XIST: variants seen among roughly 807,000 people sequenced by gnomAD.
The protein encoded by XIST is X inactive specific transcript (non-protein coding).
chrX:73,843,577 A>G (rs774860590), exon 1 of XIST: 1 of 559,088 alleles, frequency 1.8e-6, no homozygotes, highest in East Asian at 3.2e-5. Context: ...CTCTTAGTCT[A>G]AAAGAAGAGG....
At chrX:73,846,120 G>A in exon 1 of XIST, 1 of 555,721 alleles carries the variant, frequency 1.8e-6, no homozygotes, top group Non-Finnish European at 3.2e-6. Context: ...GAGTGTGGCA[G>A]GGGAGGCTTC....
chrX:73,846,084 C>A, exon 1 of XIST: 1 of 548,791 alleles, frequency 1.8e-6, no homozygotes, highest in Non-Finnish European at 3.3e-6. Context: ...CACTCCCTGC[C>A]GGAAGGGAAA....
At chrX:73,848,167 A>G in exon 1 of XIST, 1 of 558,351 alleles carries the variant, frequency 1.8e-6, no homozygotes, top group African/African-American at 2.2e-5. Context: ...TCTTAATTTA[A>G]TGGAAAAGAC....
At chrX:73,844,394 C>T (rs1453220288) in exon 1 of XIST, 1 of 556,048 alleles carries the variant, frequency 1.8e-6, no homozygotes, top group African/African-American at 2.2e-5. Flanking sequence ...GAGAAGGTGC[C>T]CTTATCTAGT....
exon 6 of XIST, chrX:73,825,668 G>A (rs1427235171): frequency 1.4e-5 from 7 of 513,124 alleles, no homozygotes; most frequent in Non-Finnish European, 2.4e-5. Context: ...ATATGTAACA[G>A]AAACCATATG....
At chrX:73,848,678 C>T (rs752037865) in exon 1 of XIST, 10 of 556,767 alleles carry the variant, frequency 1.8e-5, no homozygotes, top group South Asian at 9.0e-5. Context: ...CAACATCCCA[C>T]AGAAGGTGGG....
rs1243898583 is a variant in XIST at position 73,829,385 on chromosome X, T to C, written n.11753-154A>G. ...AACTTTTAGGTCTTTAGAGAGAAAA[T>C]TTCCTCATTCAACAGAATAGGAAAC... On this transcript the variant is annotated intron_variant and non_coding_transcript_variant, in intron 4 of 5. Coordinates refer to ENST00000429829, the Ensembl canonical transcript of XIST. 7.3e-6 allele frequency: 3 copies of C among 412,262 alleles called. No homozygotes were observed. The East Asian group carries it at 1.2e-4, about 16-fold the overall frequency. The allele number at this position is 412,262 out of a possible 1,213,427, so 34.0% of individuals were successfully genotyped here.
exon 6 of XIST, chrX:73,821,237 C>T (rs1922108544): frequency 1.8e-6 from 1 of 557,313 alleles, no homozygotes; most frequent in Admixed American, 2.2e-5. Context: ...CAACCTTGCT[C>T]CCTCCACCAA....
chrX:73,846,064 A>G, exon 1 of XIST: 1 of 558,405 alleles, frequency 1.8e-6, no homozygotes, highest in East Asian at 3.2e-5. Context: ...TAAGCGTCTT[A>G]TGGAGAGGGC....
chrX:73,843,939 T>C (rs961827023), exon 1 of XIST: 1 of 558,015 alleles, frequency 1.8e-6, no homozygotes, highest in Admixed American at 2.2e-5. Context: ...CAATTATATG[T>C]TGATAGTCCA....
chrX:73,842,808 G>C, exon 1 of XIST: 1 of 558,671 alleles, frequency 1.8e-6, no homozygotes, highest in Non-Finnish European at 3.2e-6. Flanking sequence ...AAAAGGGGCA[G>C]GGCAGAGGGA....
exon 6 of XIST, chrX:73,827,221 T>A (rs762230356): frequency 1.8e-6 from 1 of 556,557 alleles, no homozygotes; most frequent in South Asian, 2.2e-5. Context: ...CGCTCCACAA[T>A]GCTTGCTCTG....
chrX:73,821,685 T>C (rs1468036951), exon 6 of XIST: 1 of 547,639 alleles, frequency 1.8e-6, no homozygotes, highest in African/African-American at 2.2e-5. Flanking sequence ...CTTCCTCCTG[T>C]CCCACCCTCT....
chrX:73,844,061 C>A, exon 1 of XIST: 2 of 558,437 alleles, frequency 3.6e-6, no homozygotes, highest in South Asian at 2.2e-5. Context: ...ATTAACTGTT[C>A]AAATGTAAAG....
At position 73,827,471 on chromosome X, in the gene XIST, C is replaced by T. The variant is rs1331209400; in HGVS notation, n.12430G>A. The stretch of plus-strand genomic sequence containing the variant: ...TAATACTGAAATAGAAAATCACAAA[C>T]AGCAAGAGATGCTGAGGCACGCAGG... On this transcript the variant is annotated non_coding_transcript_exon_variant, in exon 6 of 6. Coordinates refer to ENST00000429829, the Ensembl canonical transcript of XIST. 5.6e-6 allele frequency: 3 copies of T among 538,499 alleles called. No individual in the cohort carries two copies. In the Admixed American group the frequency reaches 7.3e-5, roughly 13 times the overall value. 44.4% of individuals were successfully genotyped at this position (538,499 alleles called of 1,213,427 possible). A position where few individuals can be genotyped will look rare whatever the true frequency, so the allele number is the denominator to read the frequency against.
At chrX:73,848,300 T>G in exon 1 of XIST, 1 of 555,230 alleles carries the variant, frequency 1.8e-6, no homozygotes. Context: ...ACATCAATAA[T>G]TTCTGGAGGA....
exon 6 of XIST, chrX:73,825,168 T>G: frequency 3.7e-6 from 2 of 539,655 alleles, no homozygotes; most frequent in Non-Finnish European, 6.7e-6. Flanking sequence ...GTCCCTTATG[T>G]TTTCAGTATA....
At position 73,842,508 on chromosome X, in the gene XIST, T is replaced by C. The variant is rs1315165051; in HGVS notation, n.10216A>G. 2.7e-5 allele frequency: 15 copies of C among 555,172 alleles called. No homozygotes were observed. In the Admixed American group the frequency reaches 3.4e-4, roughly 12 times the overall value. The allele number at this position is 555,172 out of a possible 1,213,427, so 45.8% of individuals were successfully genotyped here. ...AGGATCATTAATAAATGAAAGAAAA[T>C]GAGTGAAGGCTTATCCACCTAGTTC... On this transcript the variant is annotated non_coding_transcript_exon_variant, in exon 1 of 6. Transcript: ENST00000429829.
At chrX:73,836,498 T>G (rs1200847421) in intron 2 of XIST, among the ~76,000 whole-genome samples, 1 of 111,843 alleles carries the variant, frequency 8.9e-6, no homozygotes, top group Non-Finnish European at 1.9e-5. Context: ...GAGACTATAA[T>G]GATCCATGTG....
Sources: allele counts gnomAD v4.1 joint callset (sites outside exome capture counted in the v4.1 genomes callset), GRCh38; gene constraint gnomAD v4.1.1; transcripts MANE v1.5; gene names NCBI Gene and HGNC (gene_info 2026-07-23, HGNC 2026-07-21).